The following KIAA1671 variants were observed in gnomAD, a reference collection of about 807,000 sequenced individuals.
KIAA1671 encodes the protein KIAA1671.
A neutral mutation model predicts 131.2 loss-of-function variants in KIAA1671; 52 were observed. The ratio of observed to expected loss-of-function variants is 0.40; its 90% CI spans 0.32 to 0.50. The LOEUF is 0.50. Among genes scored for constraint, KIAA1671 ranks in the 20% least tolerant of loss-of-function variants. The pLI, the probability that KIAA1671 is intolerant of heterozygous loss-of-function variation, is 0.73. For missense variants in KIAA1671, 2,360 were observed against 2,364.2 expected (o/e 1.00, Z 0.04); for synonymous variants, 1,003 against 961.6 (o/e 1.04, Z -0.80).
chr22:25,173,125 C>T (rs930527303), intron 7 of KIAA1671, among the ~76,000 whole-genome samples: 11 of 152,216 alleles, frequency 7.2e-5, no homozygotes, highest in African/African-American at 1.9e-4. Flanking sequence ...AGAGAGAGAA[C>T]GGGAAGGTGC....
chr22:25,032,916 A>C (rs1037038110), intron 4 of KIAA1671, among the ~76,000 whole-genome samples: 1 of 152,190 alleles, frequency 6.6e-6, no homozygotes, highest in African/African-American at 2.4e-5. Flanking sequence ...TACAAATGTT[A>C]TCAGGCATTT....
intron 6 of KIAA1671, among the ~76,000 whole-genome samples, chr22:25,123,717 C>T (rs940791722): frequency 4.1e-4 from 63 of 152,194 alleles, no homozygotes; most frequent in African/African-American, 1.5e-3. Flanking sequence ...GAAACTGCAC[C>T]TCTGGCCAAC....
intron 5 of KIAA1671, among the ~76,000 whole-genome samples, chr22:25,046,888 C>T (rs984887292): frequency 6.6e-6 from 1 of 151,958 alleles, no homozygotes; most frequent in African/African-American, 2.4e-5. Context: ...TATGAAGGCT[C>T]CCCAGGGGAA....
chr22:25,003,217 A>G (rs1249480029), intron 1 of KIAA1671, among the ~76,000 whole-genome samples: 1 of 152,132 alleles, frequency 6.6e-6, no homozygotes, highest in Non-Finnish European at 1.5e-5. Context: ...GTAAAATGGG[A>G]GTAAAATACT....
chr22:25,076,960 G>T (rs936637878), intron 6 of KIAA1671, among the ~76,000 whole-genome samples: 2 of 152,124 alleles, frequency 1.3e-5, no homozygotes, highest in South Asian at 2.1e-4. Context: ...CTCCTCCAAG[G>T]TCCCCGGCTA....
At chr22:25,029,710 A>T (rs1163097758) in intron 3 of KIAA1671, among the ~76,000 whole-genome samples, 170 bp downstream of exon 3, 1 of 152,230 alleles carries the variant, frequency 6.6e-6, no homozygotes, top group Non-Finnish European at 1.5e-5. Flanking sequence ...AGGTGCGGAG[A>T]GGCAGTGCAG....
At chr22:25,158,583 G>A (rs1439816318) in intron 6 of KIAA1671, among the ~76,000 whole-genome samples, 8 of 152,098 alleles carry the variant, frequency 5.3e-5, no homozygotes, top group Non-Finnish European at 1.0e-4. Flanking sequence ...AACAGACCCC[G>A]GGCCATACTG....
intron 6 of KIAA1671, among the ~76,000 whole-genome samples, chr22:25,156,367 G>C (rs981347758): frequency 1.3e-5 from 2 of 151,918 alleles, no homozygotes; most frequent in Non-Finnish European, 2.9e-5. Flanking sequence ...GCATATATGT[G>C]TGTATTTGTG....
Position 25,109,191 on chromosome 22 carries a change from C to A in KIAA1671, c.4530+59827C>A, listed in dbSNP as rs112343645. 1.2e-3 allele frequency among the ~76,000 whole-genome samples: 189 copies of A among 152,080 alleles called. 1 individual carries two copies. The highest frequency in any genetic ancestry group is 4.4e-3 in the African/African-American group (184 of 41,492). ...GTGGTGTGATCTCAGCTCACTGCAA[C>A]CTCTGCCTCTCGGGTTCAAGCGATT... On this transcript the variant is annotated intron_variant, in intron 6 of 12. Transcript: ENST00000358431.
Position 25,028,764 on chromosome 22 carries a change from G to C in KIAA1671, c.765G>C (p.Lys255Asn). 1.3e-6 allele frequency: 2 copies of C among 1,551,302 alleles called. No homozygotes were observed. The highest frequency in any genetic ancestry group is 1.7e-6 in the Non-Finnish European group (2 of 1,147,016). Residue 255 changes from lysine to asparagine, a missense_variant, in exon 3 of 13, where the codon AAG (lysine) becomes AAC (asparagine). Transcript: ENST00000358431. ...AIFTESIQPQKPGPGAAATVG... is the reference protein window; with the variant it reads ...AIFTESIQPQNPGPGAAATVG... Reference sequence around the variant, plus strand: ...TCACGGAGTCCATTCAGCCTCAGAAGCCAGGCCCCGGCGCAGCGGCCACAG... The same window carrying C: ...TCACGGAGTCCATTCAGCCTCAGAACCCAGGCCCCGGCGCAGCGGCCACAG...
intron 6 of KIAA1671, chr22:25,070,391 T>C: frequency 1.9e-6 from 1 of 516,190 alleles, no homozygotes; most frequent in Non-Finnish European, 3.6e-6. Context: ...TGCCCCAGCC[T>C]GCTGAAGCTC....
At chr22:25,053,441 C>G (rs985277713) in intron 6 of KIAA1671, 1 of 152,188 alleles carries the variant, frequency 6.6e-6, no homozygotes. Context: ...CATCTTGTGA[C>G]GATGAAGTCA....
In KIAA1671 at chr22:25,143,866, T is replaced by C. The variant is rs149958000; in HGVS notation, c.4531-26954T>C. ...TTAACCTCTCTGAACCTTTGTTGCC[T>C]TGTCTGTAAAATGAGAATGATAGGC... On this transcript the variant is annotated intron_variant, in intron 6 of 12. Coordinates refer to ENST00000358431, the MANE Select transcript of KIAA1671 (RefSeq NM_001145206.2). Among the ~76,000 whole-genome samples, 28 of 152,208 alleles carry C rather than the reference T, an allele frequency of 1.8e-4. No individual in the cohort carries two copies. In the East Asian group the frequency reaches 5.2e-3, roughly 28 times the overall value.
intron 6 of KIAA1671, among the ~76,000 whole-genome samples, chr22:25,107,524 G>A (rs2145906631): frequency 7.4e-6 from 1 of 134,476 alleles, no homozygotes; most frequent in South Asian, 2.4e-4. Flanking sequence ...GCCCGGGCTG[G>A]AGTGCAGTGG....
At chr22:25,093,799 TC>T (rs1930222578) in intron 6 of KIAA1671, among the ~76,000 whole-genome samples, 2 of 143,140 alleles carry the variant, frequency 1.4e-5, no homozygotes, top group African/African-American at 5.2e-5. Flanking sequence ...TCTCTCTCTC[TC>T]TCTCTCTCTC....
chr22:25,088,111 C>CTTTT (rs796690642), intron 6 of KIAA1671, among the ~76,000 whole-genome samples: 1 of 110,528 alleles, frequency 9.0e-6, no homozygotes, highest in African/African-American at 3.1e-5. Context: ...TTCTTTCTTT[C>CTTTT]TTTTTTTTTT....
chr22:25,152,726 C>T (rs1933090884), intron 6 of KIAA1671, among the ~76,000 whole-genome samples: 1 of 152,164 alleles, frequency 6.6e-6, no homozygotes, highest in Non-Finnish European at 1.5e-5. Flanking sequence ...CCTCAGCCTC[C>T]TGAGTAGCTG....
chr22:25,167,584 T>C (rs1393183563), intron 6 of KIAA1671, among the ~76,000 whole-genome samples: 2 of 152,236 alleles, frequency 1.3e-5, no homozygotes, highest in Non-Finnish European at 2.9e-5. Context: ...TGATAAGTTC[T>C]TTTAAAATGT....
chr22:25,004,977 T>A (rs1052334432), intron 1 of KIAA1671, among the ~76,000 whole-genome samples: 8 of 151,282 alleles, frequency 5.3e-5, no homozygotes, highest in African/African-American at 1.9e-4. Context: ...GAAGATTTGA[T>A]TGTACTCATT....
Sources: allele counts gnomAD v4.1 joint callset (sites outside exome capture counted in the v4.1 genomes callset), GRCh38; gene constraint gnomAD v4.1.1; transcripts MANE v1.5; gene names NCBI Gene and HGNC (gene_info 2026-07-23, HGNC 2026-07-21).